The following ABCB5 variants were observed in gnomAD, a reference collection of about 807,000 sequenced individuals.
ABCB5 encodes the protein ATP-binding cassette sub-family B member 5.
In ABCB5, 155 loss-of-function variants were observed where a neutral mutation model predicts 144.2. The ratio of observed to expected loss-of-function variants is 1.08; its 90% CI spans 0.94 to 1.23. The LOEUF (loss-of-function observed/expected upper bound fraction) is 1.23. Among genes scored for constraint, ABCB5 ranks in the 50% most tolerant of loss-of-function variants. ABCB5 has a pLI of 0.00. For missense variants in ABCB5, 1,830 were observed against 1,520.8 expected (o/e 1.20, Z -3.38); for synonymous variants, 610 against 528.6 (o/e 1.15, Z -2.11).
At chr7:20,732,086 T>A (rs1782240337) in intron 23 of ABCB5, among the ~76,000 whole-genome samples, 1 of 152,196 alleles carries the variant, frequency 6.6e-6, no homozygotes, top group South Asian at 2.1e-4. Context: ...TGCGTTGCTT[T>A]CCAATTTCAT....
chr7:20,712,859 G>C (rs1781533853), intron 20 of ABCB5, among the ~76,000 whole-genome samples: 1 of 149,472 alleles, frequency 6.7e-6, no homozygotes, highest in Non-Finnish European at 1.5e-5. Context: ...GATAAATTAA[G>C]CTATTTAACA....
rs1784052920 is a variant in ABCB5, at chr7:20,632,124, A to G, written c.314+11A>G. On this transcript the variant is annotated intron_variant, in intron 5 of 27. Transcript: ENST00000404938. ...TGAAGATATGACTCTGTAAGTCCAA[A>G]TGAAACGTTAATATCACATTCGTTG... 6.7e-7 allele frequency: 1 copy of G among 1,493,852 alleles called. No individual in the cohort carries two copies. Among genetic ancestry groups the G allele is most frequent in the Non-Finnish European group, 9.0e-7 (1 of 1,114,586 alleles). 92.5% of individuals were successfully genotyped at this position (1,493,852 alleles called of 1,614,324 possible).
chr7:20,739,612 G>A (rs1240381212), intron 24 of ABCB5, among the ~76,000 whole-genome samples: 1 of 151,784 alleles, frequency 6.6e-6, no homozygotes, highest in East Asian at 1.9e-4. Context: ...TTATATGCCT[G>A]ATGCTATGAG....
chr7:20,723,357 T>C (rs1253708572), intron 21 of ABCB5, 138 bp downstream of exon 21: 12 of 911,828 alleles, frequency 1.3e-5, no homozygotes, highest in Admixed American at 2.5e-5. Flanking sequence ...TAAAGTGATA[T>C]GTATAGAGAG....
Position 20,651,545 on chromosome 7 carries a change from A to G in ABCB5, c.1458A>G (p.Arg486=), listed in dbSNP as rs1583395217. Residue 486 remains arginine (R), a synonymous_variant, in exon 13 of 28, where the codon CGA becomes CGG. Coordinates refer to ENST00000404938, the MANE Select transcript of ABCB5 (RefSeq NM_001163941.2). ...TCAGTAACAATATCAAGTATGGACG[A>G]GATGATGTGACTGATGAAGAGATGG... is the stretch of plus-strand genomic sequence containing the variant. The part of the protein sequence containing the change: ...TTISNNIKYG[R]DDVTDEEMER... 6.2e-7 allele frequency: 1 copy of G among 1,614,090 alleles called. No homozygotes were observed. Among genetic ancestry groups the G allele is most frequent in the Non-Finnish European group, 8.5e-7 (1 of 1,180,004 alleles).
chr7:20,693,909 G>T (rs1422316490), intron 16 of ABCB5, among the ~76,000 whole-genome samples: 1 of 151,408 alleles, frequency 6.6e-6, no homozygotes, highest in Non-Finnish European at 1.5e-5. Context: ...GATGAAATGA[G>T]CAAATTCCCT....
intron 21 of ABCB5, among the ~76,000 whole-genome samples, chr7:20,726,655 T>C (rs777755498): frequency 6.6e-6 from 1 of 152,014 alleles, no homozygotes; most frequent in Non-Finnish European, 1.5e-5. Context: ...TCATAAGCCA[T>C]TGTGCCTAGC....
intron 17 of ABCB5, 95 bp from the exon 18 acceptor site, chr7:20,699,730 T>G: frequency 5.4e-6 from 4 of 738,002 alleles, no homozygotes; most frequent in South Asian, 2.1e-5. Context: ...AAAAAAGAAA[T>G]GTATTTTAAA....
At chr7:20,693,859 A>G (rs935556094) in intron 16 of ABCB5, among the ~76,000 whole-genome samples, 1 of 151,520 alleles carries the variant, frequency 6.6e-6, no homozygotes, top group Non-Finnish European at 1.5e-5. Context: ...TAATAAAATA[A>G]TCTTATTAAA....
At position 20,643,282 on chromosome 7, in the gene ABCB5, G is replaced by C. The variant is rs766371098; in HGVS notation, c.413G>C (p.Arg138Thr). Reference sequence around the variant, plus strand: ...ATAACTGCAGCACGACAGACCAAGAGGATTCGAAAACAGTTTTTTCATTCA... The same window carrying C: ...ATAACTGCAGCACGACAGACCAAGACGATTCGAAAACAGTTTTTTCATTCA... ...WIITAARQTK[R>T]IRKQFFHSVL... The change falls in exon 6 of 28, where the codon AGG becomes ACG. Residue 138 changes from arginine to threonine, a missense_variant. By Grantham distance (71) the Arg-to-Thr change is moderately conservative (BLOSUM62 -1). Coordinates refer to ENST00000404938, the MANE Select transcript of ABCB5 (RefSeq NM_001163941.2). The C allele has an allele frequency of 3.1e-6, 5 of 1,613,780 alleles. No homozygotes were observed. Among genetic ancestry groups the C allele is most frequent in the African/African-American group, 2.7e-5 (2 of 74,914 alleles).
chr7:20,646,071 C>G lies in ABCB5; in HGVS notation c.914C>G (p.Ala305Gly). ...YFFMNGTYGL[A>G]FWYGTSLILN... ...TTTATGAATGGAACCTATGGACTTG[C>G]TTTTTGGTATGGAACCTCCTTGATT... The change falls in exon 9 of 28, where the codon GCT becomes GGT. Residue 305 changes from alanine to glycine, a missense_variant. By Grantham distance (60) the Ala-to-Gly change is moderately conservative. Transcript: ENST00000404938. The G allele has an allele frequency of 6.2e-7, 1 of 1,613,768 alleles. No homozygotes were observed. Among genetic ancestry groups the G allele is most frequent in the Non-Finnish European group, 8.5e-7 (1 of 1,179,764 alleles).
At chr7:20,710,777 G>A (rs1226048605) in intron 20 of ABCB5, among the ~76,000 whole-genome samples, 1 of 149,954 alleles carries the variant, frequency 6.7e-6, no homozygotes, top group Non-Finnish European at 1.5e-5. Context: ...ATTTAATGTG[G>A]TTATCAAAAT....
rs144761094 is a variant in ABCB5 at position 20,753,029 on chromosome 7, A to G, written c.3430-331A>G. Among the ~76,000 whole-genome samples, 372 of 152,352 alleles carry G rather than the reference A, an allele frequency of 2.4e-3. 3 individuals are homozygous for G. The highest frequency in any genetic ancestry group is 8.2e-3 in the African/African-American group (342 of 41,590). ...TTTTAACCTGAAAATAGTAGGTAGT[A>G]TAACTTAATGGAAAAGGATTTGTGT... is the stretch of plus-strand genomic sequence containing the variant. On this transcript the variant is annotated intron_variant, in intron 26 of 27. Transcript: ENST00000404938.
intron 3 of ABCB5, among the ~76,000 whole-genome samples, chr7:20,628,459 C>G (rs964328037): frequency 6.6e-6 from 1 of 151,982 alleles, no homozygotes; most frequent in African/African-American, 2.4e-5. Flanking sequence ...TAGTCAGCTG[C>G]TTTGTTTTTT....
At chr7:20,724,073 G>C (rs534111295) in intron 21 of ABCB5, among the ~76,000 whole-genome samples, 3 of 152,198 alleles carry the variant, frequency 2.0e-5, no homozygotes, top group South Asian at 2.1e-4. Flanking sequence ...CCTGTCAAGC[G>C]TCCATCCCCA....
At chr7:20,710,381 A>AAAC (rs1242291728) in intron 20 of ABCB5, among the ~76,000 whole-genome samples, 1 of 56,730 alleles carries the variant, frequency 1.8e-5, no homozygotes, top group Non-Finnish European at 3.1e-5. Flanking sequence ...AAAAAAAAAA[A>AAAC]GTGGGGGGGG....
chr7:20,741,480 T>C (rs1214241495), intron 24 of ABCB5, among the ~76,000 whole-genome samples: 1 of 152,044 alleles, frequency 6.6e-6, no homozygotes, highest in Admixed American at 6.5e-5. Flanking sequence ...ATAATATTCA[T>C]AGGTTGTAGG....
In ABCB5 at chr7:20,722,309, G is replaced by C. The variant is rs113572494; in HGVS notation, c.2422-707G>C. Among the ~76,000 whole-genome samples the C allele has an allele frequency of 6.2e-3, 941 of 152,278 alleles. 10 individuals carry two copies. The highest frequency in any genetic ancestry group is 0.027 in the Middle Eastern group (8 of 294). ...AATGTGGGTATGTACCTATCATTGAGAAGACAAAGGAAATCCTGTAACTTC... is the reference window on the plus strand; with the variant it reads ...AATGTGGGTATGTACCTATCATTGACAAGACAAAGGAAATCCTGTAACTTC... On this transcript the variant is annotated intron_variant, in intron 20 of 27. Transcript: ENST00000404938.
intron 16 of ABCB5, among the ~76,000 whole-genome samples, chr7:20,697,541 T>C (rs1274787742): frequency 2.6e-5 from 4 of 152,198 alleles, no homozygotes; most frequent in African/African-American, 7.2e-5. Context: ...GAGATCGTTA[T>C]CGTATTATTT....
Sources: allele counts gnomAD v4.1 joint callset (sites outside exome capture counted in the v4.1 genomes callset), GRCh38; gene constraint gnomAD v4.1.1; transcripts MANE v1.5; gene names NCBI Gene and HGNC (gene_info 2026-07-23, HGNC 2026-07-21).